The following FDX1 variants were observed in gnomAD, a reference collection of about 807,000 sequenced individuals.
The protein encoded by FDX1 is adrenodoxin, mitochondrial.
FDX1 carries 9 observed loss-of-function variants against 14.9 expected under a neutral mutation model. That is an observed-to-expected ratio of 0.60 (90% CI 0.36 to 1.05). FDX1 has a LOEUF of 1.05. Ranked by LOEUF, FDX1 falls within the 50% of genes least tolerant of loss-of-function variation. FDX1 has a pLI of 0.01. For synonymous variants in FDX1, 92 were observed against 99.4 expected, an observed-to-expected ratio of 0.93 and a Z score of 0.44; for missense variants, 204 against 237.2, an observed-to-expected ratio of 0.86 and a Z score of 0.92.
At chr11:110,444,290 A>G (rs1946423902) in intron 2 of FDX1, among the ~76,000 whole-genome samples, 1 of 152,062 alleles carries the variant, frequency 6.6e-6, no homozygotes, top group Non-Finnish European at 1.5e-5. Context: ...CAGGCATCCC[A>G]GCACCATTAT....
intron 2 of FDX1, among the ~76,000 whole-genome samples, chr11:110,445,889 A>T (rs1242536998): frequency 2.6e-5 from 4 of 152,382 alleles, no homozygotes. Context: ...TGTTCATTAT[A>T]GCAAATTTTA....
At chr11:110,437,081 G>A (rs1294944515) in intron 2 of FDX1, among the ~76,000 whole-genome samples, 2 of 152,040 alleles carry the variant, frequency 1.3e-5, no homozygotes, top group African/African-American at 4.8e-5. Context: ...CTGCAGCCTC[G>A]ACCTCCTGGA....
chr11:110,447,464 A>G (rs1946459165), intron 2 of FDX1, among the ~76,000 whole-genome samples: 1 of 152,038 alleles, frequency 6.6e-6, no homozygotes, highest in East Asian at 1.9e-4. Flanking sequence ...CAAACAAACA[A>G]AAAACCATGA....
At chr11:110,453,219 C>A (rs1946497729) in intron 2 of FDX1, among the ~76,000 whole-genome samples, 1 of 152,150 alleles carries the variant, frequency 6.6e-6, no homozygotes, top group African/African-American at 2.4e-5. Flanking sequence ...TGCCTGTAAT[C>A]TCAGCTACTC....
At chr11:110,444,793 C>T (rs1946439414) in intron 2 of FDX1, among the ~76,000 whole-genome samples, 1 of 144,438 alleles carries the variant, frequency 6.9e-6, no homozygotes, top group Admixed American at 7.1e-5. Context: ...TGAGCTGCCT[C>T]ACTCTGGGCA....
At chr11:110,434,200 A>G (rs1227460998) in intron 1 of FDX1, among the ~76,000 whole-genome samples, 1 of 152,174 alleles carries the variant, frequency 6.6e-6, no homozygotes, top group East Asian at 1.9e-4. Flanking sequence ...AAACAAATAA[A>G]CTTTTTCTAG....
At chr11:110,433,579 C>A (rs2134565589) in intron 1 of FDX1, among the ~76,000 whole-genome samples, 1 of 152,276 alleles carries the variant, frequency 6.6e-6, no homozygotes, top group South Asian at 2.1e-4. Flanking sequence ...GCCTCCCTGC[C>A]TCTAGGGTAT....
At chr11:110,429,402 G>C (rs1455510432), upstream of FDX1, among the ~76,000 whole-genome samples, 1 of 152,080 alleles carries the variant, frequency 6.6e-6, no homozygotes, top group Non-Finnish European at 1.5e-5. Context: ...GTCTTTTAGA[G>C]ATCTCAGCTC....
chr11:110,430,669 C>G lies in FDX1; in HGVS notation c.185+364C>G, dbSNP rs993333002. On this transcript the variant is annotated intron_variant, in intron 1 of 3. Transcript: ENST00000260270. ...GTCTGGGATCTGACCTTTGCTCTGC[C>G]CGAAACTGGCAGTGACCTTCGCGAC... Among the ~76,000 whole-genome samples, 5 of 152,170 alleles carry G rather than the reference C, an allele frequency of 3.3e-5. No individual in the cohort carries two copies. In the East Asian group the frequency reaches 9.6e-4, roughly 29 times the overall value.
rs1654735630 is a variant in FDX1 at position 110,464,432 on chromosome 11, T to C, written c.*1964T>C. On this transcript the variant is annotated 3_prime_UTR_variant, in exon 4 of 4. Transcript: ENST00000260270. ...TGGTGGAAGGGCAAGAGAATGCGAG[T>C]GAGAGCAAGAGGGCAAAATGATTAT... The C allele has an allele frequency of 6.6e-6, 1 of 152,054 alleles. No individual in the cohort carries two copies. The highest frequency in any genetic ancestry group is 2.4e-5 in the African/African-American group (1 of 41,400). 9.4% of individuals were successfully genotyped at this position (152,054 alleles called of 1,614,324 possible). A position where few individuals can be genotyped will look rare whatever the true frequency, so the allele number is the denominator to read the frequency against.
intron 2 of FDX1, among the ~76,000 whole-genome samples, chr11:110,455,829 G>C (rs917220766): frequency 6.6e-6 from 1 of 152,186 alleles, no homozygotes; most frequent in Non-Finnish European, 1.5e-5. Flanking sequence ...GGACCAGTAG[G>C]TGCTAGTTAC....
rs1172440737 is a variant in FDX1 at position 110,463,482 on chromosome 11, TA to T, written c.*1018del. 6.6e-6 allele frequency: 1 copy of T among 152,202 alleles called. No homozygotes were observed. Among genetic ancestry groups the T allele is most frequent in the African/African-American group, 2.4e-5 (1 of 41,444 alleles). The allele number at this position is 152,202 out of a possible 1,614,324, so 9.4% of individuals were successfully genotyped here. ...CTTATCTTTACTATAAATAAATTCA[TA>T]AAAGTTAACAAAGGGGTACACAGTA... On this transcript the variant is annotated 3_prime_UTR_variant, in exon 4 of 4. Transcript: ENST00000260270.
intron 1 of FDX1, among the ~76,000 whole-genome samples, chr11:110,434,334 A>ATTTTCTT (rs1946352532): frequency 5.5e-5 from 7 of 126,404 alleles, no homozygotes; most frequent in Non-Finnish European, 8.2e-5. Flanking sequence ...CGCCCTATTG[A>ATTTTCTT]TTTTTTTTTT....
At position 110,463,819 on chromosome 11, in the gene FDX1, A is replaced by G. The variant is rs1255726144; in HGVS notation, c.*1351A>G. The G allele has an allele frequency of 6.6e-6, 1 of 152,200 alleles. No homozygotes were observed. The highest frequency in any genetic ancestry group is 1.5e-5 in the Non-Finnish European group (1 of 68,032). The allele number at this position is 152,200 out of a possible 1,614,324, so 9.4% of individuals were successfully genotyped here. On this transcript the variant is annotated 3_prime_UTR_variant, in exon 4 of 4. Transcript: ENST00000260270. ...CTAAACTGACTAGTTCTGCTAAATA[A>G]GATTTTAAACTAATTCATATGTAAA...
intron 2 of FDX1, among the ~76,000 whole-genome samples, chr11:110,448,258 T>A (rs1200064391): frequency 6.6e-6 from 1 of 152,224 alleles, no homozygotes; most frequent in African/African-American, 2.4e-5. Context: ...TGTATAAGTT[T>A]ATTTGTATTC....
intron 2 of FDX1, among the ~76,000 whole-genome samples, chr11:110,436,336 C>A (rs1030668600): frequency 5.9e-5 from 9 of 152,092 alleles, no homozygotes; most frequent in Non-Finnish European, 1.3e-4. Flanking sequence ...GGTAACTTAT[C>A]CTAGAAAGTG....
At chr11:110,429,842 G>A (rs1946316184), upstream of FDX1, 1 of 291,934 alleles carries the variant, frequency 3.4e-6, no homozygotes, top group African/African-American at 2.2e-5. Flanking sequence ...GGTTGGTAAA[G>A]GCCCCCTGCG....
intron 2 of FDX1, among the ~76,000 whole-genome samples, chr11:110,446,669 T>C (rs2134684928): frequency 6.6e-6 from 1 of 152,300 alleles, no homozygotes; most frequent in South Asian, 2.1e-4. Context: ...TTCCTCTTTC[T>C]TCCCAACCTG....
intron 2 of FDX1, among the ~76,000 whole-genome samples, chr11:110,440,303 T>C (rs1333917630): frequency 2.0e-5 from 3 of 152,206 alleles, no homozygotes; most frequent in Non-Finnish European, 2.9e-5. Context: ...TTATTTCTTC[T>C]GCTAGCTTTG....
Sources: allele counts gnomAD v4.1 joint callset (sites outside exome capture counted in the v4.1 genomes callset), GRCh38; gene constraint gnomAD v4.1.1; transcripts MANE v1.5; gene names NCBI Gene and HGNC (gene_info 2026-07-23, HGNC 2026-07-21).